The following PRCC variants were observed in gnomAD, a reference collection of about 807,000 sequenced individuals.
The protein encoded by PRCC is proline-rich protein PRCC.
In PRCC, 10 loss-of-function variants were observed where a neutral mutation model predicts 44.0. The ratio of observed to expected loss-of-function variants is 0.23; its 90% CI spans 0.14 to 0.39. PRCC has a LOEUF of 0.39. Ranked by LOEUF, PRCC falls within the 10% of genes least tolerant of loss-of-function variation. The pLI, the probability that PRCC is intolerant of heterozygous loss-of-function variation, is 1.00. For missense variants in PRCC, 573 were observed against 624.7 expected (o/e 0.92, Z 0.88); for synonymous variants, 278 against 259.5 (o/e 1.07, Z -0.69).
rs182034300 is a variant in PRCC, at chr1:156,785,109, T to C, written c.517-1499T>C. ...TACATATTTTTGTAAAAAGCAGTAA[T>C]GTCTTAGATTAGGGAAATTTGCAAG... On this transcript the variant is annotated intron_variant, in intron 2 of 6. Coordinates refer to ENST00000271526, the MANE Select transcript of PRCC (RefSeq NM_005973.5). 1.4e-3 allele frequency among the ~76,000 whole-genome samples: 216 copies of C among 151,444 alleles called. 1 individual carries two copies. Among genetic ancestry groups the C allele is most frequent in the African/African-American group, 4.8e-3 (194 of 40,758 alleles).
At chr1:156,781,948 G>A (rs191586558) in intron 1 of PRCC, among the ~76,000 whole-genome samples, 1 of 152,344 alleles carries the variant, frequency 6.6e-6, no homozygotes, top group East Asian at 1.9e-4. Flanking sequence ...AATGGGTATA[G>A]CTTTTTCTTT....
At chr1:156,781,929 A>T (rs543157792) in intron 1 of PRCC, among the ~76,000 whole-genome samples, 1 of 152,372 alleles carries the variant, frequency 6.6e-6, no homozygotes, top group Non-Finnish European at 1.5e-5. Context: ...ACAGAATTAT[A>T]GGAAGAAGAA....
Position 156,800,507 on chromosome 1 carries a change from C to G in PRCC, c.*47C>G, listed in dbSNP as rs1252627320. ...CAGGATCTCCTGCCAGCCCAGCTGGCCTGGCCCCCAGCTTCACCTCTGGGA... is the reference window on the plus strand; with the variant it reads ...CAGGATCTCCTGCCAGCCCAGCTGGGCTGGCCCCCAGCTTCACCTCTGGGA... On this transcript the variant is annotated 3_prime_UTR_variant, in exon 7 of 7. Coordinates refer to ENST00000271526, the MANE Select transcript of PRCC (RefSeq NM_005973.5). 5 of 1,599,442 alleles carry G rather than the reference C, an allele frequency of 3.1e-6. No individual in the cohort carries two copies. The highest frequency in any genetic ancestry group is 4.5e-5 in the East Asian group (2 of 44,800).
At position 156,767,710 on chromosome 1, in the gene PRCC, G is replaced by A; in HGVS notation, c.-62G>A. On this transcript the variant is annotated 5_prime_UTR_variant, in exon 1 of 7. Transcript: ENST00000271526. Reference sequence around the variant, plus strand: ...GTGGCGGGGCCTACTAGGCCTCCGGGCATCCCCGGTCTCAAGTAGGCCTCA... The same window carrying A: ...GTGGCGGGGCCTACTAGGCCTCCGGACATCCCCGGTCTCAAGTAGGCCTCA... The A allele has an allele frequency of 1.3e-6, 2 of 1,486,172 alleles. No individual in the cohort carries two copies. The highest frequency in any genetic ancestry group is 1.8e-6 in the Non-Finnish European group (2 of 1,112,356). 92.1% of individuals were successfully genotyped at this position (1,486,172 alleles called of 1,614,324 possible). A position where few individuals can be genotyped will look rare whatever the true frequency, so the allele number is the denominator to read the frequency against.
In PRCC at chr1:156,800,545, T is replaced by A; in HGVS notation, c.*85T>A. ...TTCACCTCTGGGACCCCAGCTGCTC[T>A]AAGCCCAGGATCTCTTTCCCCAAGG... On this transcript the variant is annotated 3_prime_UTR_variant, in exon 7 of 7. Transcript: ENST00000271526. The A allele has an allele frequency of 7.3e-7, 1 of 1,373,994 alleles. No individual in the cohort carries two copies. Among genetic ancestry groups the A allele is most frequent in the Non-Finnish European group, 1.0e-6 (1 of 965,488 alleles). 85.1% of individuals were successfully genotyped at this position (1,373,994 alleles called of 1,614,324 possible).
chr1:156,778,220 G>T (rs1470661199), intron 1 of PRCC, among the ~76,000 whole-genome samples: 1 of 152,074 alleles, frequency 6.6e-6, no homozygotes, highest in Admixed American at 6.6e-5. Flanking sequence ...AACCACCATT[G>T]TACTCTCTGC....
chr1:156,767,674 C>T lies in PRCC; in HGVS notation c.-98C>T, dbSNP rs112079438. On this transcript the variant is annotated 5_prime_UTR_variant, in exon 1 of 7. Coordinates refer to ENST00000271526, the MANE Select transcript of PRCC (RefSeq NM_005973.5). ...GGAGCAGGCGGACTTTTCGGTTCCC[C>T]GCCCCGCCAGGTGGCGGGGCCTACT... is the stretch of plus-strand genomic sequence containing the variant. 1.5e-6 allele frequency: 2 copies of T among 1,297,964 alleles called. No homozygotes were observed. The highest frequency in any genetic ancestry group is 1.0e-6 in the Non-Finnish European group (1 of 961,384). The allele number at this position is 1,297,964 out of a possible 1,614,324, so 80.4% of individuals were successfully genotyped here.
At chr1:156,795,717 A>G (rs888640462) in intron 5 of PRCC, 1 of 152,190 alleles carries the variant, frequency 6.6e-6, no homozygotes, top group African/African-American at 2.4e-5. Flanking sequence ...TTCATTATTG[A>G]TGGTAGCCAG....
Position 156,787,622 on chromosome 1 carries a change from C to CATAGTACCTAATAGGT in PRCC, c.1083+457_1083+458insAATAGGTATAGTACCT, listed in dbSNP as rs1652317693. Among the ~76,000 whole-genome samples the CATAGTACCTAATAGGT allele has an allele frequency of 6.9e-5, 9 of 129,542 alleles. No homozygotes were observed. The South Asian group carries it at 2.2e-3, about 32-fold the overall frequency. The allele number at this position is 129,542 out of a possible 152,430, so 85.0% of individuals were successfully genotyped here. ...TTATTTTGTCACCCCAGGTGATGAG[C>CATAGTACCTAATAGGT]ATAGTACCTGATAGGTAGGTTTTTG... On this transcript the variant is annotated intron_variant, in intron 3 of 6. Coordinates refer to ENST00000271526, the MANE Select transcript of PRCC (RefSeq NM_005973.5).
chr1:156,786,514 G>A (rs1010444735), intron 2 of PRCC, 94 bp from the exon 3 acceptor site: 7 of 1,307,912 alleles, frequency 5.4e-6, no homozygotes, highest in East Asian at 2.3e-5. Context: ...TTAGGCTAGA[G>A]AACTTATCTG....
chr1:156,770,177 G>A (rs953633710), intron 1 of PRCC, among the ~76,000 whole-genome samples: 2 of 152,228 alleles, frequency 1.3e-5, no homozygotes, highest in Admixed American at 6.5e-5. Context: ...AAACTCTGAA[G>A]ACTAACACTC....
intron 4 of PRCC, among the ~76,000 whole-genome samples, chr1:156,792,581 G>A (rs1571593293): frequency 6.6e-6 from 1 of 152,178 alleles, no homozygotes; most frequent in South Asian, 2.1e-4. Flanking sequence ...CTGAGTAGGA[G>A]TAGCTGGGAT....
Position 156,774,157 on chromosome 1 carries a change from C to CTTTTTTTTTTTTTTTTTTTTTTTTT in PRCC, c.468+5930_468+5954dup, listed in dbSNP as rs76271348. ...GAGTTTCTTTCTTTTTTTGAGTCAC[C>CTTTTTTTTTTTTTTTTTTTTTTTTT]TTTTTTTTTTTTTTTTTTTTTTTTT... On this transcript the variant is annotated intron_variant, in intron 1 of 6. Coordinates refer to ENST00000271526, the MANE Select transcript of PRCC (RefSeq NM_005973.5). 7.4e-5 allele frequency among the ~76,000 whole-genome samples: 4 copies of CTTTTTTTTTTTTTTTTTTTTTTTTT among 54,008 alleles called. 1 individual carries two copies. Among genetic ancestry groups the CTTTTTTTTTTTTTTTTTTTTTTTTT allele is most frequent in the Admixed American group, 2.8e-4 (1 of 3,552 alleles). 35.4% of individuals were successfully genotyped at this position (54,008 alleles called of 152,430 possible).
At position 156,767,630 on chromosome 1, in the gene PRCC, G is replaced by A; in HGVS notation, c.-142G>A. The A allele has an allele frequency of 2.5e-6, 2 of 785,992 alleles. No homozygotes were observed. Among genetic ancestry groups the A allele is most frequent in the South Asian group, 1.9e-5 (1 of 53,652 alleles). 48.7% of individuals were successfully genotyped at this position (785,992 alleles called of 1,614,324 possible). ...TCAGCCGTAGCCATGAGTTTCTGCC[G>A]GGGCTAGCCCTAGAGTACGGAGCAG... On this transcript the variant is annotated 5_prime_UTR_variant, in exon 1 of 7. Coordinates refer to ENST00000271526, the MANE Select transcript of PRCC (RefSeq NM_005973.5).
chr1:156,781,511 C>T (rs936282047), intron 1 of PRCC, among the ~76,000 whole-genome samples: 1 of 152,206 alleles, frequency 6.6e-6, no homozygotes, highest in African/African-American at 2.4e-5. Context: ...TTAAAGCTTG[C>T]TATTCATATG....
At chr1:156,797,408 A>G in intron 6 of PRCC, 67 bp downstream of exon 6, 1 of 1,584,880 alleles carries the variant, frequency 6.3e-7, no homozygotes, top group Non-Finnish European at 8.7e-7. Flanking sequence ...GAAGGCTGAG[A>G]TACGAGTTAG....
intron 1 of PRCC, among the ~76,000 whole-genome samples, chr1:156,773,994 C>T (rs541038048): frequency 5.3e-5 from 8 of 151,766 alleles, no homozygotes; most frequent in African/African-American, 1.7e-4. Context: ...GTAAGCCAGT[C>T]ACAAAAGGAC....
rs1027678062 is a variant in PRCC at position 156,800,728 on chromosome 1, T to A, written c.*268T>A. On this transcript the variant is annotated 3_prime_UTR_variant, in exon 7 of 7. Coordinates refer to ENST00000271526, the MANE Select transcript of PRCC (RefSeq NM_005973.5). ...GGTGGGAGTTTTGCTCTCTGTCAGG[T>A]GTGATAAAATGTTGAACCCTCCCCA... The A allele has an allele frequency of 2.6e-6, 1 of 377,730 alleles. No homozygotes were observed. Among genetic ancestry groups the A allele is most frequent in the Admixed American group, 3.9e-5 (1 of 25,550 alleles). The allele number at this position is 377,730 out of a possible 1,614,324, so 23.4% of individuals were successfully genotyped here. A position where few individuals can be genotyped will look rare whatever the true frequency, so the allele number is the denominator to read the frequency against.
At chr1:156,793,954 C>CTTT (rs147637460) in intron 4 of PRCC, among the ~76,000 whole-genome samples, 5 of 101,394 alleles carry the variant, frequency 4.9e-5, no homozygotes, top group Admixed American at 2.2e-4. Context: ...TTCTTTCTTT[C>CTTT]TTTTTTTTTT....
Sources: allele counts gnomAD v4.1 joint callset (sites outside exome capture counted in the v4.1 genomes callset), GRCh38; gene constraint gnomAD v4.1.1; transcripts MANE v1.5; gene names NCBI Gene and HGNC (gene_info 2026-07-23, HGNC 2026-07-21).